Variants in CCSER1 observed in about 807,000 individuals in gnomAD.
CCSER1 encodes the protein serine-rich coiled-coil domain-containing protein 1.
CCSER1 carries 41 observed loss-of-function variants against 82.0 expected under a neutral mutation model. The ratio of observed to expected loss-of-function variants is 0.50; its 90% CI spans 0.39 to 0.65. The LOEUF (loss-of-function observed/expected upper bound fraction) is 0.65. Ranked by LOEUF, CCSER1 falls within the 30% of genes least tolerant of loss-of-function variation. CCSER1 has a pLI of 0.00. For synonymous variants in CCSER1, 414 were observed against 383.9 expected, an observed-to-expected ratio of 1.08 and a Z score of -0.92; for missense variants, 1,119 against 1,064.2, an observed-to-expected ratio of 1.05 and a Z score of -0.72.
chr4:90,147,617 A>G (rs1578187622), intron 1 of CCSER1, among the ~76,000 whole-genome samples: 1 of 152,338 alleles, frequency 6.6e-6, no homozygotes, highest in South Asian at 2.1e-4. Context: ...GGTGTACTAA[A>G]AGCAAGAGGC....
At chr4:90,415,651 A>T (rs1755676902) in intron 4 of CCSER1, among the ~76,000 whole-genome samples, 1 of 152,250 alleles carries the variant, frequency 6.6e-6, no homozygotes, top group Admixed American at 6.5e-5. Context: ...AGCAATGCAT[A>T]TTCTAAATAA....
At chr4:90,914,355 C>G (rs142762049) in intron 8 of CCSER1, among the ~76,000 whole-genome samples, 2,377 of 152,222 alleles carry the variant, frequency 0.016, 56 homozygotes, top group African/African-American at 0.053. Flanking sequence ...CAAAACCGCT[C>G]AACTACATGG....
intron 9 of CCSER1, among the ~76,000 whole-genome samples, chr4:91,072,398 CCA>C (rs926347766): frequency 1.4e-4 from 21 of 151,986 alleles, no homozygotes; most frequent in African/African-American, 4.6e-4. Flanking sequence ...CTTTTTTTCC[CCA>C]CAGTTATTTT....
intron 5 of CCSER1, among the ~76,000 whole-genome samples, chr4:90,626,024 AG>A (rs1723198864): frequency 6.6e-6 from 1 of 152,180 alleles, no homozygotes; most frequent in Non-Finnish European, 1.5e-5. Context: ...ATAATTTTAA[AG>A]AGCCAGCACG....
intron 10 of CCSER1, among the ~76,000 whole-genome samples, chr4:91,237,503 T>C (rs1651637763): frequency 6.6e-6 from 1 of 152,042 alleles, no homozygotes. Context: ...AGAGCCTAAT[T>C]TTTTAACTTC....
chr4:91,442,623 G>T (rs1431353224), intron 10 of CCSER1, among the ~76,000 whole-genome samples: 1 of 135,892 alleles, frequency 7.4e-6, no homozygotes, highest in Non-Finnish European at 1.6e-5. Context: ...TTGACAAATG[G>T]GATCTAATTA....
At chr4:91,527,165 T>C (rs577404504) in intron 10 of CCSER1, among the ~76,000 whole-genome samples, 1 of 152,318 alleles carries the variant, frequency 6.6e-6, no homozygotes, top group South Asian at 2.1e-4. Flanking sequence ...TTTGGGAAGA[T>C]GGATTTATTT....
chr4:91,312,144 G>A, intron 10 of CCSER1, among the ~76,000 whole-genome samples: 1 of 151,758 alleles, frequency 6.6e-6, no homozygotes, highest in East Asian at 1.9e-4. Flanking sequence ...GCATATTCTA[G>A]TTGCACAGTA....
intron 5 of CCSER1, among the ~76,000 whole-genome samples, chr4:90,570,557 C>T (rs1779987741): frequency 6.6e-6 from 1 of 152,104 alleles, no homozygotes; most frequent in Admixed American, 6.5e-5. Context: ...AGTTGCATGC[C>T]TCCTGGTGAC....
At chr4:90,798,323 T>A (rs1294566943) in intron 7 of CCSER1, among the ~76,000 whole-genome samples, 1 of 152,124 alleles carries the variant, frequency 6.6e-6, no homozygotes, top group Admixed American at 6.5e-5. Flanking sequence ...TTCAGGTCTA[T>A]CATGTTGGTT....
At chr4:91,243,595 C>T (rs375231389) in intron 10 of CCSER1, among the ~76,000 whole-genome samples, 6 of 152,276 alleles carry the variant, frequency 3.9e-5, no homozygotes, top group African/African-American at 1.4e-4. Context: ...TAGGACGGGG[C>T]ACTGGGTAGA....
In CCSER1 at chr4:90,744,196, T is replaced by C. The variant is rs73833787; in HGVS notation, c.2010+20205T>C. ...TTGAGGAGAGACAAATGTCCTGAAA[T>C]CTCAGCTGAAAGAGCAGAGGCCTTG... On this transcript the variant is annotated intron_variant, in intron 7 of 10. Coordinates refer to ENST00000509176, the MANE Select transcript of CCSER1 (RefSeq NM_001145065.2). Among the ~76,000 whole-genome samples, 1,502 of 152,234 alleles carry C rather than the reference T, an allele frequency of 9.9e-3. 22 individuals are homozygous for C. The highest frequency in any genetic ancestry group is 0.034 in the African/African-American group (1,411 of 41,520).
chr4:91,496,250 G>A (rs1186979561), intron 10 of CCSER1, among the ~76,000 whole-genome samples: 1 of 150,974 alleles, frequency 6.6e-6, no homozygotes, highest in Non-Finnish European at 1.5e-5. Flanking sequence ...GAAATATGAG[G>A]CTTTGGTTGG....
At chr4:90,246,688 A>T (rs554116682) in intron 1 of CCSER1, among the ~76,000 whole-genome samples, 115 of 152,300 alleles carry the variant, frequency 7.6e-4, no homozygotes, top group African/African-American at 2.5e-3. Flanking sequence ...AATTCCCAAC[A>T]TATGTACCTA....
intron 1 of CCSER1, among the ~76,000 whole-genome samples, chr4:90,228,317 T>TGACCCCC: frequency 6.6e-6 from 1 of 152,148 alleles, no homozygotes. Flanking sequence ...CCCTGACCCC[T>TGACCCCC]GACCCCCGAG....
At chr4:90,422,399 C>A (rs1420978605) in intron 4 of CCSER1, among the ~76,000 whole-genome samples, 1 of 152,064 alleles carries the variant, frequency 6.6e-6, no homozygotes, top group Non-Finnish European at 1.5e-5. Context: ...TCAAGACTAG[C>A]CTAGACAATA....
At chr4:91,055,344 C>T (rs1319533793) in intron 9 of CCSER1, among the ~76,000 whole-genome samples, 1 of 152,142 alleles carries the variant, frequency 6.6e-6, no homozygotes, top group Non-Finnish European at 1.5e-5. Flanking sequence ...GTATCCGAAA[C>T]ATGAACTAAT....
At chr4:91,131,301 G>A (rs936615694) in intron 10 of CCSER1, among the ~76,000 whole-genome samples, 2 of 145,832 alleles carry the variant, frequency 1.4e-5, no homozygotes, top group African/African-American at 5.0e-5. Context: ...AGGTAATTTT[G>A]TCTCCTTTAA....
chr4:90,638,758 G>A (rs759269386), intron 6 of CCSER1, among the ~76,000 whole-genome samples: 5 of 152,076 alleles, frequency 3.3e-5, no homozygotes, highest in Non-Finnish European at 7.4e-5. Context: ...ATTTTCAACA[G>A]TCCTCTTGGA....
Sources: gnomAD v4.1 joint callset for allele counts (sites outside exome capture counted in the v4.1 genomes callset) on GRCh38, gnomAD v4.1.1 for gene constraint, MANE v1.5 for transcripts, NCBI Gene and HGNC (gene_info 2026-07-23, HGNC 2026-07-21) for gene names.